The following LILRA4 variants were observed in gnomAD, a reference collection of about 807,000 sequenced individuals.
The protein encoded by LILRA4 is leukocyte immunoglobulin like receptor A4.
LILRA4 carries 51 observed loss-of-function variants against 49.5 expected under a neutral mutation model. The ratio of observed to expected loss-of-function variants is 1.03; its 90% CI spans 0.82 to 1.30. LILRA4 has a LOEUF of 1.30. Ranked by LOEUF, LILRA4 falls within the 50% of genes most tolerant of loss-of-function variation. The pLI is 0.00. For synonymous variants in LILRA4, 272 were observed against 265.6 expected (o/e 1.02, Z -0.23); for missense variants, 624 against 625.6 (o/e 1.00, Z 0.03).
chr19:54,336,364 T>G, intron 6 of LILRA4: 1 of 187,462 alleles, frequency 5.3e-6, no homozygotes, highest in Non-Finnish European at 1.1e-5. Flanking sequence ...GACACCCAGA[T>G]GTTGATTCTG....
At chr19:54,337,378 C>A in intron 5 of LILRA4, 22 bp downstream of exon 5, 1 of 1,608,936 alleles carries the variant, frequency 6.2e-7, no homozygotes, top group Non-Finnish European at 8.5e-7. Context: ...GTCCCCCTGA[C>A]TGAACCCGCT....
rs201929752 is a variant in LILRA4 at position 54,338,576 on chromosome 19, G to A, written c.175C>T (p.Arg59Cys). ...ATTGAGTTTCCCTCTTTATCCAGAC[G>A]GTACCCCTGGGCCTCCAGGGTGCCC... is the stretch of plus-strand genomic sequence containing the variant. ...CQGTLEAQGYRLDKEGNSMSR... is the reference protein window; with the variant it reads ...CQGTLEAQGYCLDKEGNSMSR... The change falls in exon 3 of 8, where the codon CGT becomes TGT. Residue 59 changes from arginine (R) to cysteine (C), a missense_variant. Transcript: ENST00000291759. 8.9e-5 allele frequency: 144 copies of A among 1,614,132 alleles called. No homozygotes were observed. The highest frequency in any genetic ancestry group is 1.1e-4 in the Non-Finnish European group (135 of 1,180,002).
chr19:54,333,699 A>G lies in LILRA4; in HGVS notation c.1373T>C (p.Leu458Pro), dbSNP rs1262766593. ...CTCAAATAACAGAATCCCGAGGAACAGCAGGACCAAGCCAGCCACACCCAT... is the reference window on the plus strand; with the variant it reads ...CTCAAATAACAGAATCCCGAGGAACGGCAGGACCAAGCCAGCCACACCCAT... ...IRMGVAGLVL[L>P]FLGILLFEAQ... is the part of the protein sequence containing the mutation. The change falls in exon 8 of 8, where the codon CTG becomes CCG. Residue 458 changes from leucine to proline, a missense_variant. By Grantham distance (98) the Leu-to-Pro change is moderately conservative. Coordinates refer to ENST00000291759, the MANE Select transcript of LILRA4 (RefSeq NM_012276.5). The G allele has an allele frequency of 6.2e-7, 1 of 1,614,146 alleles. No homozygotes were observed.
In LILRA4 at chr19:54,333,707, C is replaced by T. The variant is rs915606362; in HGVS notation, c.1365G>A (p.Leu455=). The change falls in exon 8 of 8, where the codon TTG becomes TTA. Residue 455 remains leucine (L), a synonymous_variant. Coordinates refer to ENST00000291759, the MANE Select transcript of LILRA4 (RefSeq NM_012276.5). The stretch of plus-strand genomic sequence containing the variant: ...ACAGAATCCCGAGGAACAGCAGGAC[C>T]AAGCCAGCCACACCCATGCGGATGA... ...ENLIRMGVAG[L]VLLFLGILLF... is the part of the protein sequence containing the mutation. 1.9e-6 allele frequency: 3 copies of T among 1,613,990 alleles called. No homozygotes were observed. The highest frequency in any genetic ancestry group is 2.7e-5 in the African/African-American group (2 of 74,886).
At chr19:54,338,363 G>C in intron 3 of LILRA4, 33 bp downstream of exon 3, 1 of 1,612,658 alleles carries the variant, frequency 6.2e-7, no homozygotes, top group Non-Finnish European at 8.5e-7. Flanking sequence ...CGAGGGCAGA[G>C]CCTGGGGCTG....
At position 54,339,053 on chromosome 19, in the gene LILRA4, A is replaced by T. The variant is rs370502743; in HGVS notation, c.34+7T>A. The T allele has an allele frequency of 3.1e-6, 5 of 1,613,912 alleles. No individual in the cohort carries two copies. The highest frequency in any genetic ancestry group is 4.2e-6 in the Non-Finnish European group (5 of 1,179,994). On this transcript the variant is annotated splice_region_variant and intron_variant, in intron 1 of 7. Transcript: ENST00000291759. ...TAGGGTCTCTCCTCCCCCTCTTAAG[A>T]TCTCACCAAAGAAGAGCAGGCTTGT...
chr19:54,336,589 T>G, intron 6 of LILRA4: 1 of 634,958 alleles, frequency 1.6e-6, no homozygotes, highest in African/African-American at 1.8e-5. Context: ...TCCCATGTAT[T>G]TCCACCCTTC....
chr19:54,334,960 G>A (rs1448548983), intron 6 of LILRA4: 1 of 151,482 alleles, frequency 6.6e-6, no homozygotes, highest in Admixed American at 6.6e-5. Context: ...GGGCGACAGA[G>A]TGAGACTCCG....
chr19:54,337,485 G>A lies in LILRA4; in HGVS notation c.867C>T (p.Tyr289=), dbSNP rs774920503. 1.6e-5 allele frequency: 25 copies of A among 1,612,336 alleles called. No homozygotes were observed. Among genetic ancestry groups the A allele is most frequent in the African/African-American group, 6.7e-5 (5 of 74,858 alleles). Residue 289 remains tyrosine, a synonymous_variant, in exon 5 of 8, where the codon TAC becomes TAT. Coordinates refer to ENST00000291759, the MANE Select transcript of LILRA4 (RefSeq NM_012276.5). The part of the protein sequence containing the change: ...NFTLSPVSRS[Y]GGQYRCYGAH... ...CGCCGTAGCATCTGTACTGGCCCCC[G>A]TAGGAGCGGCTCACAGGGCTCAGGG...
intron 3 of LILRA4, 70 bp from the exon 4 acceptor site, chr19:54,338,305 G>T: frequency 6.3e-7 from 1 of 1,594,898 alleles, no homozygotes; most frequent in South Asian, 1.1e-5. Context: ...TACAAGGCTG[G>T]GCTGTGAGAA....
chr19:54,335,253 C>G (rs953423231), intron 6 of LILRA4: 1 of 152,104 alleles, frequency 6.6e-6, no homozygotes, highest in Non-Finnish European at 1.5e-5. Context: ...ATTGGCTTCC[C>G]CCTGGCTGCT....
rs764565500 is a variant in LILRA4, at chr19:54,338,618, C to T, written c.133G>A (p.Val45Met). ...AGGGTGCCCTGACACCAGATGGTCA[C>T]GGGGTTATGCCAGGTGATCACGGGA... ...PGPVITWHNP[V>M]TIWCQGTLEA... is the part of the protein sequence containing the mutation. Residue 45 changes from valine to methionine, a missense_variant, in exon 3 of 8, where the codon GTG becomes ATG. Transcript: ENST00000291759. 3.7e-5 allele frequency: 59 copies of T among 1,613,918 alleles called. No homozygotes were observed. The highest frequency in any genetic ancestry group is 1.8e-4 in the Admixed American group (11 of 59,986).
At position 54,338,043 on chromosome 19, in the gene LILRA4, C is replaced by G. The variant is rs1428748963; in HGVS notation, c.548G>C (p.Gly183Ala). The G allele has an allele frequency of 6.2e-7, 1 of 1,614,014 alleles. No homozygotes were observed. The highest frequency in any genetic ancestry group is 2.2e-5 in the East Asian group (1 of 44,858). ...HGKFQALFPM[G>A]PLTFSNRGTF... is the part of the protein sequence containing the mutation. ...ACCCCTGTTGCTGAAGGTCAGGGGG[C>G]CCATGGGGAACAGGGCCTGGAACTT... Residue 183 changes from glycine (G) to alanine (A), a missense_variant, in exon 4 of 8, where the codon GGC becomes GCC. By Grantham distance (60) the Gly-to-Ala change is moderately conservative. Coordinates refer to ENST00000291759, the MANE Select transcript of LILRA4 (RefSeq NM_012276.5).
chr19:54,338,306 G>C (rs1447498364), intron 3 of LILRA4, 71 bp from the exon 4 acceptor site: 1 of 1,594,942 alleles, frequency 6.3e-7, no homozygotes, highest in African/African-American at 1.3e-5. Flanking sequence ...ACAAGGCTGG[G>C]CTGTGAGAAG....
In LILRA4 at chr19:54,337,535, C is replaced by A; in HGVS notation, c.817G>T (p.Ala273Ser). The stretch of plus-strand genomic sequence containing the variant: ...GTGAAGTTGGCCTGGGAGAGCCCAG[C>A]CTGGGGCTGCCGGCCAGGGCGCTGG... ...LPQRPGRQPQ[A>S]GLSQANFTLS... The change falls in exon 5 of 8, where the codon GCT becomes TCT. Residue 273 changes from alanine to serine, a missense_variant. Ala to Ser is a moderately conservative substitution (Grantham distance 99). Coordinates refer to ENST00000291759, the MANE Select transcript of LILRA4 (RefSeq NM_012276.5). 1 of 1,613,180 alleles carries A rather than the reference C, an allele frequency of 6.2e-7. No homozygotes were observed. The highest frequency in any genetic ancestry group is 8.5e-7 in the Non-Finnish European group (1 of 1,179,916).
Position 54,337,946 on chromosome 19 carries a change from T to C in LILRA4, c.645A>G (p.Leu215=). 1 of 1,607,542 alleles carries C rather than the reference T, an allele frequency of 6.2e-7. No homozygotes were observed. The highest frequency in any genetic ancestry group is 8.5e-7 in the Non-Finnish European group (1 of 1,176,808). The part of the protein sequence containing the change: ...VWSEPSDPLQ[L]LVSGVSRKPS... Reference sequence around the variant, plus strand: ...CTACGGCTTCCTCACCTGACACCAGTAGCTGCAGGGGGTCACTGGGTTCCG... The same window carrying C: ...CTACGGCTTCCTCACCTGACACCAGCAGCTGCAGGGGGTCACTGGGTTCCG... The change falls in exon 4 of 8, where the codon CTA becomes CTG. Residue 215 remains leucine, a synonymous_variant. Coordinates refer to ENST00000291759, the MANE Select transcript of LILRA4 (RefSeq NM_012276.5).
At chr19:54,336,801 AC>A (rs1569164557) in intron 6 of LILRA4, 39 bp downstream of exon 6, 1 of 1,529,518 alleles carries the variant, frequency 6.5e-7, no homozygotes. Flanking sequence ...ATTTCCAAGA[AC>A]CCCTTTGAGC....
Position 54,338,248 on chromosome 19 carries a change from A to G in LILRA4, c.356-13T>C. Reference sequence around the variant, plus strand: ...GGTCTGCTGTAGGCTTTCAAGAGAAAAAAAGGCAGCCGTGTTTAAATGGGG... The same window carrying G: ...GGTCTGCTGTAGGCTTTCAAGAGAAGAAAAGGCAGCCGTGTTTAAATGGGG... On this transcript the variant is annotated splice_polypyrimidine_tract_variant and intron_variant, in intron 3 of 7. Coordinates refer to ENST00000291759, the MANE Select transcript of LILRA4 (RefSeq NM_012276.5). The G allele has an allele frequency of 6.2e-7, 1 of 1,600,512 alleles. No individual in the cohort carries two copies. The highest frequency in any genetic ancestry group is 8.5e-7 in the Non-Finnish European group (1 of 1,172,266).
chr19:54,338,915 C>T lies in LILRA4; in HGVS notation c.35-14G>A, dbSNP rs752260829. On this transcript the variant is annotated splice_polypyrimidine_tract_variant and intron_variant, in intron 1 of 7. Coordinates refer to ENST00000291759, the MANE Select transcript of LILRA4 (RefSeq NM_012276.5). ...CCAGGCTCAGCCCTGGAAGAGAGTT[C>T]CCTGTGAGAGATTTGCCTCCGAAGC... is the stretch of plus-strand genomic sequence containing the variant. 1 of 1,614,164 alleles carries T rather than the reference C, an allele frequency of 6.2e-7. No homozygotes were observed. Among genetic ancestry groups the T allele is most frequent in the Non-Finnish European group, 8.5e-7 (1 of 1,180,012 alleles).
Sources: allele counts gnomAD v4.1 joint callset, GRCh38; gene constraint gnomAD v4.1.1; transcripts MANE v1.5; gene names NCBI Gene and HGNC (gene_info 2026-07-23, HGNC 2026-07-21).